Variants in TLR6 observed in about 807,000 individuals in gnomAD.
TLR6 encodes toll like receptor 6.
TLR6 carries 9 observed loss-of-function variants against 16.1 expected under a neutral mutation model. That is an observed-to-expected ratio of 0.56 (90% CI 0.34 to 0.98). The LOEUF is 0.98. Among genes scored for constraint, TLR6 ranks in the 50% least tolerant of loss-of-function variants. The pLI is 0.02. For synonymous variants in TLR6, 340 were observed against 338.6 expected, an observed-to-expected ratio of 1.00 and a Z score of -0.04; for missense variants, 786 against 921.0, an observed-to-expected ratio of 0.85 and a Z score of 1.90.
At chr4:38,850,764 G>A (rs1712738420) in intron 1 of TLR6, among the ~76,000 whole-genome samples, 1 of 152,122 alleles carries the variant, frequency 6.6e-6, no homozygotes, top group Non-Finnish European at 1.5e-5. Context: ...AAAAAGTCCA[G>A]GACCAGACGG....
chr4:38,850,279 A>C (rs1434768568), intron 1 of TLR6, among the ~76,000 whole-genome samples: 1 of 152,236 alleles, frequency 6.6e-6, no homozygotes, highest in Non-Finnish European at 1.5e-5. Flanking sequence ...AGAAAGCAGG[A>C]AAGATCTAAA....
chr4:38,830,753 G>A (rs5743798), intron 1 of TLR6, among the ~76,000 whole-genome samples: 29,098 of 152,038 alleles, frequency 0.19, 3,825 homozygotes, highest in Non-Finnish European at 0.28. Flanking sequence ...CTCTGGGAAA[G>A]GGGGACAGAA....
At chr4:38,859,873 C>T (rs931485096), upstream of TLR6, among the ~76,000 whole-genome samples, 11 of 151,942 alleles carry the variant, frequency 7.2e-5, no homozygotes, top group Admixed American at 7.2e-4. Flanking sequence ...GCCTCTTCAC[C>T]ATTTTATGCT....
At chr4:38,833,374 C>T (rs1363003985) in intron 1 of TLR6, among the ~76,000 whole-genome samples, 1 of 152,208 alleles carries the variant, frequency 6.6e-6, no homozygotes, top group African/African-American at 2.4e-5. Context: ...CCCAGCAAAG[C>T]CTTGCCATAG....
intron 1 of TLR6, among the ~76,000 whole-genome samples, chr4:38,848,570 A>C (rs1305561748): frequency 6.6e-6 from 1 of 152,268 alleles, no homozygotes; most frequent in Non-Finnish European, 1.5e-5. Context: ...TAAGCAGTGT[A>C]GAGAAGTCCT....
chr4:38,838,173 G>A (rs530716177), intron 1 of TLR6, among the ~76,000 whole-genome samples: 1 of 152,194 alleles, frequency 6.6e-6, no homozygotes, highest in African/African-American at 2.4e-5. Flanking sequence ...AGCCATTATG[G>A]AGAACAGTAC....
At chr4:38,833,591 C>T (rs1711744737) in intron 1 of TLR6, among the ~76,000 whole-genome samples, 1 of 152,204 alleles carries the variant, frequency 6.6e-6, no homozygotes, top group Admixed American at 6.5e-5. Context: ...GAAGCAGCAG[C>T]TATTACATCA....
chr4:38,831,519 C>T (rs959785505), intron 1 of TLR6, among the ~76,000 whole-genome samples: 13 of 152,094 alleles, frequency 8.5e-5, no homozygotes, highest in African/African-American at 2.9e-4. Context: ...AGTTGGACTT[C>T]ATTAAAATTA....
At chr4:38,852,671 C>G (rs945074050) in intron 1 of TLR6, among the ~76,000 whole-genome samples, 1 of 151,258 alleles carries the variant, frequency 6.6e-6, no homozygotes, top group Non-Finnish European at 1.5e-5. Context: ...CAAATCAAAA[C>G]CACAATGAGA....
chr4:38,866,759 A>G, the TLR6 span, among the ~76,000 whole-genome samples: 2 of 152,176 alleles, frequency 1.3e-5, no homozygotes, highest in East Asian at 3.8e-4. Context: ...CTGTTTATGC[A>G]TACATGTATT....
At position 38,828,644 on chromosome 4, in the gene TLR6, G is replaced by A. The variant is rs373882088; in HGVS notation, c.830C>T (p.Pro277Leu). ...ATTGTAAATATTGAGATATTCCACA[G>A]GTTTGGGCCAAAGAAATTGAAAGAC... The change falls in exon 2 of 2, where the codon CCT becomes CTT. Residue 277 changes from proline to leucine, a missense_variant. Coordinates refer to ENST00000436693, the Ensembl canonical transcript of TLR6. 39 of 1,614,094 alleles carry A rather than the reference G, an allele frequency of 2.4e-5. No homozygotes were observed. In the East Asian group the frequency reaches 4.0e-4, roughly 17 times the overall value.
exon 2 of TLR6, chr4:38,827,077 AT>A: frequency 6.4e-7 from 1 of 1,561,086 alleles, no homozygotes; most frequent in South Asian, 1.2e-5. Context: ...AATTTCCTAA[AT>A]TTTTTTAAGA....
chr4:38,835,877 G>A (rs1711887877), intron 1 of TLR6, among the ~76,000 whole-genome samples: 1 of 151,808 alleles, frequency 6.6e-6, no homozygotes, highest in African/African-American at 2.4e-5. Flanking sequence ...ACAACCACTG[G>A]GTGAATGAAG....
upstream of TLR6, among the ~76,000 whole-genome samples, chr4:38,858,869 AAG>A (rs1713123213): frequency 7.2e-6 from 1 of 138,964 alleles, no homozygotes; most frequent in African/African-American, 2.8e-5. Context: ...GAAAGAAAGA[AAG>A]AAAGAAAGAA....
upstream of TLR6, among the ~76,000 whole-genome samples, chr4:38,857,096 A>C (rs757347719): frequency 1.3e-5 from 2 of 152,218 alleles, no homozygotes; most frequent in Non-Finnish European, 1.5e-5. Context: ...TGGTTATTAC[A>C]TTTGTCACCT....
chr4:38,857,655 T>TA (rs36056700), upstream of TLR6, among the ~76,000 whole-genome samples: 22,324 of 147,576 alleles, frequency 0.15, 2,153 homozygotes, highest in Middle Eastern at 0.38. Context: ...TCATCTTTAT[T>TA]AAAAAAAAAA....
At chr4:38,843,434 C>T (rs1234539921) in intron 1 of TLR6, among the ~76,000 whole-genome samples, 2 of 152,200 alleles carry the variant, frequency 1.3e-5, no homozygotes, top group Non-Finnish European at 2.9e-5. Flanking sequence ...TTTTCACCAT[C>T]AGGGGATATA....
intron 1 of TLR6, among the ~76,000 whole-genome samples, chr4:38,832,973 G>A (rs904949101): frequency 6.6e-6 from 1 of 152,250 alleles, no homozygotes; most frequent in African/African-American, 2.4e-5. Flanking sequence ...CTGAGGACAG[G>A]TCCACCATGC....
chr4:38,823,521 G>C (rs529079894), downstream of TLR6, among the ~76,000 whole-genome samples: 1 of 152,092 alleles, frequency 6.6e-6, no homozygotes, highest in Admixed American at 6.6e-5. Context: ...ATCTTACTAC[G>C]GGATCTATTG....
Sources: gnomAD v4.1 joint callset for allele counts (sites outside exome capture counted in the v4.1 genomes callset) on GRCh38, gnomAD v4.1.1 for gene constraint, MANE v1.5 for transcripts, NCBI Gene and HGNC (gene_info 2026-07-23, HGNC 2026-07-21) for gene names.